Variants in CSMD2 observed in about 807,000 individuals in gnomAD.
CSMD2 encodes the protein CUB and Sushi multiple domains 2.
Under a neutral mutation model 398.5 loss-of-function variants are expected in CSMD2, and 130 were observed. The ratio of observed to expected loss-of-function variants is 0.33; its 90% CI spans 0.28 to 0.38. The LOEUF is 0.38. CSMD2 is among the 10% of genes least tolerant of loss of function. The pLI, the probability that CSMD2 is intolerant of heterozygous loss-of-function variation, is 1.00. For synonymous variants in CSMD2, 1,828 were observed against 1,908.5 expected (o/e 0.96, Z 1.10); for missense variants, 3,829 against 4,764.9 (o/e 0.80, Z 5.78).
chr1:34,069,222 C>T lies in CSMD2; in HGVS notation c.404+19755G>A, dbSNP rs189518983. On this transcript the variant is annotated intron_variant, in intron 2 of 70. Transcript: ENST00000373381. ...AGGCCTAAATATACAGGGTATTCAA[C>T]TATTTATTCATTCATTGGGCAAGAA... is the stretch of plus-strand genomic sequence containing the variant. Among the ~76,000 whole-genome samples the T allele has an allele frequency of 5.9e-3, 903 of 152,230 alleles. 7 individuals carry two copies. Among genetic ancestry groups the T allele is most frequent in the Non-Finnish European group, 0.01 (683 of 68,014 alleles).
At chr1:33,853,453 C>T (rs1638855221) in intron 5 of CSMD2, among the ~76,000 whole-genome samples, 1 of 152,246 alleles carries the variant, frequency 6.6e-6, no homozygotes, top group East Asian at 1.9e-4. Flanking sequence ...CATTCCAAAG[C>T]ATTCAATTTA....
intron 5 of CSMD2, among the ~76,000 whole-genome samples, chr1:33,908,360 T>C (rs1384951818): frequency 1.3e-5 from 2 of 152,258 alleles, no homozygotes; most frequent in Non-Finnish European, 2.9e-5. Context: ...CAAGGGGCTC[T>C]GGAGGACCCA....
chr1:34,003,805 A>AGAG (rs1407373919), intron 3 of CSMD2, among the ~76,000 whole-genome samples: 2 of 152,276 alleles, frequency 1.3e-5, no homozygotes, highest in East Asian at 3.9e-4. Flanking sequence ...TTCCTCAAAC[A>AGAG]GAAGTGGTAA....
chr1:34,078,852 T>C (rs1656727282), intron 2 of CSMD2, among the ~76,000 whole-genome samples: 1 of 152,208 alleles, frequency 6.6e-6, no homozygotes, highest in Non-Finnish European at 1.5e-5. Flanking sequence ...TGTTTTCTGT[T>C]TCCAAGGCAG....
intron 3 of CSMD2, among the ~76,000 whole-genome samples, chr1:33,993,810 C>G (rs932276614): frequency 6.6e-6 from 1 of 152,130 alleles, no homozygotes; most frequent in Admixed American, 6.6e-5. Context: ...CCTAGACCCC[C>G]TTGGAAATAT....
At chr1:33,981,539 A>G (rs1308679615) in intron 3 of CSMD2, among the ~76,000 whole-genome samples, 1 of 152,240 alleles carries the variant, frequency 6.6e-6, no homozygotes, top group Non-Finnish European at 1.5e-5. Flanking sequence ...TTTGATCGTC[A>G]TAACAACCCC....
chr1:34,098,023 A>T (rs1571111125), intron 1 of CSMD2, among the ~76,000 whole-genome samples: 4 of 91,724 alleles, frequency 4.4e-5, no homozygotes, highest in African/African-American at 9.3e-5. Flanking sequence ...CAAATGTCCA[A>T]CAATGATAGA....
intron 3 of CSMD2, among the ~76,000 whole-genome samples, chr1:33,977,621 T>C (rs1646015538): frequency 6.6e-6 from 1 of 151,754 alleles, no homozygotes; most frequent in African/African-American, 2.4e-5. Flanking sequence ...CACCTCCCCA[T>C]CCTTTACTGC....
At chr1:34,095,308 G>GA (rs1243641675) in intron 1 of CSMD2, among the ~76,000 whole-genome samples, 2 of 141,392 alleles carry the variant, frequency 1.4e-5, no homozygotes, top group East Asian at 4.3e-4. Context: ...GAGAAAGCAG[G>GA]AAAGATCCAA....
intron 28 of CSMD2, among the ~76,000 whole-genome samples, chr1:33,649,514 T>C (rs1643642552): frequency 6.6e-6 from 1 of 152,038 alleles, no homozygotes; most frequent in Non-Finnish European, 1.5e-5. Context: ...TGTGGTGGCA[T>C]GCACCTGTAA....
chr1:33,643,931 AAG>A (rs1643265536), intron 29 of CSMD2, among the ~76,000 whole-genome samples: 1 of 151,814 alleles, frequency 6.6e-6, no homozygotes, highest in Admixed American at 6.6e-5. Flanking sequence ...GGAAGGAAGG[AAG>A]GAACAAATGA....
chr1:34,006,996 C>G lies in CSMD2; in HGVS notation c.517+25598G>C, dbSNP rs1020069092. Among the ~76,000 whole-genome samples, 3 of 152,242 alleles carry G rather than the reference C, an allele frequency of 2.0e-5. No homozygotes were observed. The South Asian group carries it at 6.2e-4, about 32-fold the overall frequency. ...CCCGGGGCAGAATGCTAGCTCACTGCCTCTGGAGATTCTGCATCTAGTCTG... is the reference window on the plus strand; with the variant it reads ...CCCGGGGCAGAATGCTAGCTCACTGGCTCTGGAGATTCTGCATCTAGTCTG... On this transcript the variant is annotated intron_variant, in intron 3 of 70. Transcript: ENST00000373381.
At chr1:33,864,754 G>A (rs1639854425) in intron 5 of CSMD2, 4 of 1,595,230 alleles carry the variant, frequency 2.5e-6, no homozygotes, top group Middle Eastern at 1.7e-4. Context: ...CAGAGCTGAT[G>A]GATCCAGTTT....
chr1:34,016,905 G>T (rs1467936701), intron 3 of CSMD2, among the ~76,000 whole-genome samples: 6 of 152,080 alleles, frequency 3.9e-5, no homozygotes, highest in African/African-American at 1.4e-4. Flanking sequence ...AACCCTCAGG[G>T]CTATATTGTA....
intron 25 of CSMD2, among the ~76,000 whole-genome samples, chr1:33,678,839 G>T (rs941701137): frequency 1.3e-5 from 2 of 152,148 alleles, no homozygotes; most frequent in Non-Finnish European, 2.9e-5. Context: ...GGACCAGCTG[G>T]CATGCAAAAG....
At chr1:34,128,566 C>T (rs1450633828) in intron 1 of CSMD2, among the ~76,000 whole-genome samples, 2 of 152,198 alleles carry the variant, frequency 1.3e-5, no homozygotes, top group Admixed American at 1.3e-4. Context: ...ATAGACCTGT[C>T]TTGCTGAGCA....
chr1:34,105,056 C>A (rs1660394412), intron 1 of CSMD2, among the ~76,000 whole-genome samples: 1 of 152,210 alleles, frequency 6.6e-6, no homozygotes, highest in African/African-American at 2.4e-5. Context: ...CTCTCCGCTA[C>A]CCCCATCTCC....
At chr1:33,540,275 C>A (rs200463813) in intron 60 of CSMD2, among the ~76,000 whole-genome samples, 1 of 128,810 alleles carries the variant, frequency 7.8e-6, no homozygotes, top group Non-Finnish European at 1.9e-5. Context: ...AAAAAAAAAA[C>A]ACCCCCAATA....
chr1:33,687,944 C>T (rs1326668030), intron 25 of CSMD2, among the ~76,000 whole-genome samples: 3 of 152,230 alleles, frequency 2.0e-5, no homozygotes, highest in Admixed American at 6.5e-5. Context: ...TCCATCTAAG[C>T]GGTGAAGACT....
Sources: gnomAD v4.1 joint callset for allele counts (sites outside exome capture counted in the v4.1 genomes callset) on GRCh38, gnomAD v4.1.1 for gene constraint, MANE v1.5 for transcripts, NCBI Gene and HGNC (gene_info 2026-07-23, HGNC 2026-07-21) for gene names.